Variants in LOC400499 observed in about 807,000 individuals in gnomAD.
At chr16:11,499,384 G>A in the LOC400499 span, among the ~76,000 whole-genome samples, 1 of 151,526 alleles carries the variant, frequency 6.6e-6, no homozygotes, top group East Asian at 2.0e-4. Context: ...GACATTTCCA[G>A]GGAGATGGGC....
the LOC400499 span, among the ~76,000 whole-genome samples, chr16:11,427,957 C>T: frequency 3.3e-5 from 5 of 152,190 alleles, no homozygotes; most frequent in African/African-American, 1.2e-4. Flanking sequence ...GAAAGGGGTC[C>T]GGATCCAGAC....
chr16:11,460,171 G>A, the LOC400499 span: 1 of 900,856 alleles, frequency 1.1e-6, no homozygotes, highest in Non-Finnish European at 1.5e-6. Flanking sequence ...AGACGGTTCT[G>A]TAGAAAGCAC....
the LOC400499 span, among the ~76,000 whole-genome samples, chr16:11,476,476 CCCA>C: frequency 2.6e-5 from 4 of 152,056 alleles, no homozygotes; most frequent in African/African-American, 7.3e-5. Flanking sequence ...CACACGCACT[CCCA>C]CAACACACTC....
chr16:11,481,527 T>C, the LOC400499 span, among the ~76,000 whole-genome samples: 1 of 152,228 alleles, frequency 6.6e-6, no homozygotes, highest in East Asian at 1.9e-4. Context: ...TTCACCATGA[T>C]GGCCAGGCTG....
chr16:11,446,105 A>G, the LOC400499 span, among the ~76,000 whole-genome samples: 73 of 151,936 alleles, frequency 4.8e-4, no homozygotes. Flanking sequence ...GATTACAGGT[A>G]TGAGCCACCA....
the LOC400499 span, among the ~76,000 whole-genome samples, chr16:11,439,872 G>A: frequency 6.6e-6 from 1 of 151,802 alleles, no homozygotes; most frequent in Non-Finnish European, 1.5e-5. Flanking sequence ...CCTTCTACTT[G>A]ACCCTGACCT....
chr16:11,380,283 C>G, the LOC400499 span, among the ~76,000 whole-genome samples: 3 of 149,472 alleles, frequency 2.0e-5, no homozygotes, highest in South Asian at 6.3e-4. Context: ...TTTAGCATTT[C>G]TTGCATAATG....
chr16:11,460,973 T>C, the LOC400499 span: 21 of 1,534,498 alleles, frequency 1.4e-5, no homozygotes, highest in African/African-American at 2.7e-4. Flanking sequence ...CCCAGGAGGC[T>C]GTACTGGATC....
chr16:11,462,093 G>C, the LOC400499 span: 1 of 1,468,352 alleles, frequency 6.8e-7, no homozygotes, highest in Non-Finnish European at 9.0e-7. Context: ...GAGCAGAGGG[G>C]ACAGAAGGGG....
the LOC400499 span, among the ~76,000 whole-genome samples, chr16:11,503,064 G>A: frequency 6.6e-6 from 1 of 151,820 alleles, no homozygotes; most frequent in Non-Finnish European, 1.5e-5. Flanking sequence ...TGGGAATACT[G>A]GTGTGCATCA....
the LOC400499 span, among the ~76,000 whole-genome samples, chr16:11,491,364 C>T: frequency 6.6e-6 from 1 of 152,178 alleles, no homozygotes; most frequent in Non-Finnish European, 1.5e-5. Flanking sequence ...TTAGGTCTCT[C>T]TTTAGGATAC....
At chr16:11,504,696 G>A in the LOC400499 span, among the ~76,000 whole-genome samples, 1 of 152,118 alleles carries the variant, frequency 6.6e-6, no homozygotes, top group African/African-American at 2.4e-5. Flanking sequence ...GTCGAGGCAG[G>A]CAGATCACTT....
At chr16:11,404,889 T>C in the LOC400499 span, 114,461 of 398,616 alleles carry the variant, frequency 0.29, 18,110 homozygotes, top group Non-Finnish European at 0.34. Context: ...GACGGCGTCA[T>C]GGGGGAACCC....
the LOC400499 span, chr16:11,500,682 G>T: frequency 5.0e-6 from 2 of 396,700 alleles, no homozygotes; most frequent in Non-Finnish European, 8.9e-6. Flanking sequence ...GGGTGGTCTG[G>T]CCTCCTCTGC....
chr16:11,372,831 G>A, the LOC400499 span: 2 of 428,046 alleles, frequency 4.7e-6, no homozygotes, highest in Non-Finnish European at 6.3e-6. Flanking sequence ...TAGGGCCCCT[G>A]GCCTTCATTA....
At chr16:11,488,238 T>C in the LOC400499 span, among the ~76,000 whole-genome samples, 1 of 152,168 alleles carries the variant, frequency 6.6e-6, no homozygotes, top group East Asian at 1.9e-4. Flanking sequence ...GATAGACAAT[T>C]TCCTCTTTAA....
the LOC400499 span, chr16:11,442,383 G>C: frequency 6.6e-6 from 1 of 152,084 alleles, no homozygotes; most frequent in Non-Finnish European, 1.5e-5. Context: ...ACCATGCCTG[G>C]CTAATTTTTT....
At chr16:11,392,901 T>C in the LOC400499 span, 12 of 651,562 alleles carry the variant, frequency 1.8e-5, no homozygotes, top group Non-Finnish European at 2.1e-5. Context: ...TCGCCTAGGC[T>C]GGTGTGTGGT....
the LOC400499 span, among the ~76,000 whole-genome samples, chr16:11,449,511 C>T: frequency 6.6e-6 from 1 of 152,168 alleles, no homozygotes; most frequent in East Asian, 1.9e-4. Flanking sequence ...TCATCTGGCT[C>T]GTTTCAGAGC....
Sources: allele counts gnomAD v4.1 joint callset (sites outside exome capture counted in the v4.1 genomes callset), GRCh38; gene constraint gnomAD v4.1.1; transcripts MANE v1.5.